The following GTF3C5 variants were observed in gnomAD, a reference collection of about 807,000 sequenced individuals.
GTF3C5 encodes the protein general transcription factor IIIC subunit 5, also known as general transcription factor 3C polypeptide 5.
GTF3C5 carries 47 observed loss-of-function variants against 61.0 expected under a neutral mutation model. The observed-to-expected ratio is 0.77, with a 90% confidence interval of 0.61 to 0.98. GTF3C5 has a LOEUF of 0.98. Ranked by LOEUF, GTF3C5 falls within the 50% of genes least tolerant of loss-of-function variation. The pLI is 0.00. For synonymous variants in GTF3C5, 295 were observed against 275.4 expected (o/e 1.07, Z -0.71); for missense variants, 659 against 703.3 (o/e 0.94, Z 0.71).
chr9:133,052,610 T>TA (rs560920858), intron 5 of GTF3C5, among the ~76,000 whole-genome samples: 75 of 151,984 alleles, frequency 4.9e-4, no homozygotes, highest in Middle Eastern at 6.8e-3. Flanking sequence ...CACAAGCATG[T>TA]AAAGACACAT....
rs1849856240 is a variant in GTF3C5 at position 133,036,230 on chromosome 9, G to A, written c.153+5066G>A. Among the ~76,000 whole-genome samples, 3 of 152,292 alleles carry A rather than the reference G, an allele frequency of 2.0e-5. No homozygotes were observed. The South Asian group carries it at 6.2e-4, about 32-fold the overall frequency. On this transcript the variant is annotated intron_variant, in intron 1 of 10. Coordinates refer to ENST00000372097, the MANE Select transcript of GTF3C5 (RefSeq NM_012087.4). ...CCTTTTAGATTTGGATTCCCTGTTA[G>A]GAGACCTGCTGGGTTAAGTGAATTA...
At chr9:133,050,280 C>T (rs1023092320) in intron 3 of GTF3C5, among the ~76,000 whole-genome samples, 4 of 152,156 alleles carry the variant, frequency 2.6e-5, no homozygotes, top group South Asian at 2.1e-4. Flanking sequence ...TTAGTTTGAG[C>T]GTTAAATAAG....
chr9:133,054,709 C>T lies in GTF3C5; in HGVS notation c.1070-3C>T, dbSNP rs754111586. 7 of 1,563,432 alleles carry T rather than the reference C, an allele frequency of 4.5e-6. No individual in the cohort carries two copies. In the Admixed American group the frequency reaches 7.7e-5, roughly 17 times the overall value. On this transcript the variant is annotated splice_polypyrimidine_tract_variant and splice_region_variant and intron_variant, in intron 7 of 10. Coordinates refer to ENST00000372097, the MANE Select transcript of GTF3C5 (RefSeq NM_012087.4). ...TCCAAGCACTGCTGTTGTCCCCACG[C>T]AGCCAGCCAGCTTGTCACCATGCAT...
At chr9:133,033,492 C>T (rs1849786885) in intron 1 of GTF3C5, among the ~76,000 whole-genome samples, 1 of 152,100 alleles carries the variant, frequency 6.6e-6, no homozygotes, top group South Asian at 2.1e-4. Context: ...CTGTTAGGTC[C>T]CCAAGGAATG....
Position 133,042,306 on chromosome 9 carries a change from G to C in GTF3C5, c.373G>C (p.Gly125Arg). 1 of 1,579,906 alleles carries C rather than the reference G, an allele frequency of 6.3e-7. No individual in the cohort carries two copies. Among genetic ancestry groups the C allele is most frequent in the Non-Finnish European group, 8.7e-7 (1 of 1,148,652 alleles). ...CATCTCCACCATTTACAAATTTCAG[G>C]GTAACTGAAATCTGCTCTTGCAATG... ...GIISTIYKFQ[G>R]MSDFQYLAVH... Residue 125 changes from glycine to arginine, a missense_variant and splice_region_variant, in exon 2 of 11, where the codon GGG (glycine) becomes CGG (arginine). By Grantham distance (125) the Gly-to-Arg change is moderately radical. Coordinates refer to ENST00000372097, the MANE Select transcript of GTF3C5 (RefSeq NM_012087.4).
At chr9:133,043,302 T>C (rs1850092405) in intron 2 of GTF3C5, among the ~76,000 whole-genome samples, 3 of 152,224 alleles carry the variant, frequency 2.0e-5, no homozygotes, top group Admixed American at 2.0e-4. Context: ...ATCTTGCTGC[T>C]CTGTGTGTGT....
At chr9:133,050,407 T>G (rs1302078725) in intron 3 of GTF3C5, among the ~76,000 whole-genome samples, 1 of 152,256 alleles carries the variant, frequency 6.6e-6, no homozygotes, top group Admixed American at 6.5e-5. Flanking sequence ...TGCTGGACAT[T>G]AGACTCTGTC....
At position 133,056,099 on chromosome 9, in the gene GTF3C5, G is replaced by C; in HGVS notation, c.1250+5G>C. ...ATGCGACTTGAATGTGGAAGAGTAC[G>C]TATGGGAGGGGCCCTGAGACACTGA... On this transcript the variant is annotated splice_donor_5th_base_variant and intron_variant, in intron 9 of 10. Transcript: ENST00000372097. The C allele has an allele frequency of 1.2e-6, 2 of 1,612,852 alleles. No homozygotes were observed. The highest frequency in any genetic ancestry group is 1.7e-6 in the Non-Finnish European group (2 of 1,178,954).
chr9:133,055,560 G>C, intron 8 of GTF3C5: 1 of 985,448 alleles, frequency 1.0e-6, no homozygotes, highest in Non-Finnish European at 1.2e-6. Flanking sequence ...ACATGGCTGG[G>C]TACGGAAAGG....
upstream of GTF3C5, chr9:133,030,725 G>T (rs1398809925): frequency 1.8e-6 from 1 of 544,444 alleles, no homozygotes; most frequent in Non-Finnish European, 3.3e-6. Context: ...TATCCTCCGG[G>T]TCCCTCGCTG....
chr9:133,036,191 A>T (rs947211813), intron 1 of GTF3C5, among the ~76,000 whole-genome samples: 6 of 152,074 alleles, frequency 3.9e-5, no homozygotes, highest in African/African-American at 1.5e-4. Flanking sequence ...GAATCTAAAC[A>T]CTCATGCTCA....
intron 4 of GTF3C5, chr9:133,051,855 G>A (rs1208099146): frequency 6.8e-6 from 3 of 440,052 alleles, no homozygotes; most frequent in Non-Finnish European, 1.2e-5. Flanking sequence ...CTTGGCACAG[G>A]CTGGGCATGC....
At chr9:133,033,693 T>C (rs572070968) in intron 1 of GTF3C5, among the ~76,000 whole-genome samples, 1 of 152,304 alleles carries the variant, frequency 6.6e-6, no homozygotes, top group Admixed American at 6.5e-5. Flanking sequence ...CCCACTCGTC[T>C]GGAGGACCAT....
At chr9:133,055,886 C>T (rs1484411705) in intron 8 of GTF3C5, 126 bp from the exon 9 acceptor site, 3 of 1,471,802 alleles carry the variant, frequency 2.0e-6, no homozygotes, top group East Asian at 2.5e-5. Context: ...CCTGTCTGCC[C>T]AACCTGCTCC....
intron 1 of GTF3C5, among the ~76,000 whole-genome samples, chr9:133,040,538 G>A (rs1850007179): frequency 6.6e-6 from 1 of 152,160 alleles, no homozygotes; most frequent in African/African-American, 2.4e-5. Context: ...CTATTCTTGG[G>A]GTTTTTAAGG....
chr9:133,051,879 G>C (rs539149399), intron 4 of GTF3C5, 181 bp from the exon 5 acceptor site: 2 of 461,734 alleles, frequency 4.3e-6, no homozygotes, highest in Admixed American at 8.4e-5. Flanking sequence ...CCAGGCTTCT[G>C]AGGGAAGGGA....
At chr9:133,035,157 T>G (rs1849831572) in intron 1 of GTF3C5, among the ~76,000 whole-genome samples, 1 of 152,196 alleles carries the variant, frequency 6.6e-6, no homozygotes, top group African/African-American at 2.4e-5. Flanking sequence ...ATCAATATTT[T>G]GTATTAATCT....
chr9:133,044,812 T>G (rs142182692), intron 3 of GTF3C5, among the ~76,000 whole-genome samples: 128 of 152,102 alleles, frequency 8.4e-4, no homozygotes, highest in African/African-American at 2.7e-3. Context: ...GGACAGGCGC[T>G]CACTCTCTCT....
chr9:133,048,264 G>A (rs1198094339), intron 3 of GTF3C5, among the ~76,000 whole-genome samples: 5 of 152,208 alleles, frequency 3.3e-5, no homozygotes. Flanking sequence ...TTGGGAGGCC[G>A]AGGCGGGTGG....
Sources: allele counts gnomAD v4.1 joint callset (sites outside exome capture counted in the v4.1 genomes callset), GRCh38; gene constraint gnomAD v4.1.1; transcripts MANE v1.5; gene names NCBI Gene and HGNC (gene_info 2026-07-23, HGNC 2026-07-21).